NNT: variants seen among roughly 807,000 people sequenced by gnomAD.
NNT encodes the protein NAD(P) transhydrogenase, mitochondrial.
Under a neutral mutation model 104.8 loss-of-function variants are expected in NNT, and 50 were observed. That is an observed-to-expected ratio of 0.48 (90% CI 0.38 to 0.60). NNT has a LOEUF of 0.60. Among genes scored for constraint, NNT ranks in the 20% least tolerant of loss-of-function variants. The pLI is 0.00. For missense variants in NNT, 1,131 were observed against 1,330.7 expected, an observed-to-expected ratio of 0.85 and a Z score of 2.33; for synonymous variants, 461 against 490.4, an observed-to-expected ratio of 0.94 and a Z score of 0.79.
intron 3 of NNT, among the ~76,000 whole-genome samples, chr5:43,614,919 T>C (rs1029764904): frequency 6.6e-5 from 10 of 151,488 alleles, no homozygotes; most frequent in African/African-American, 2.2e-4. Flanking sequence ...GGGTGGATCA[T>C]GAGGTCAGGA....
rs2112275767 is a variant in NNT, at chr5:43,705,256, G to A, written c.*852G>A. The A allele has an allele frequency of 6.6e-6, 1 of 152,180 alleles. No homozygotes were observed. The highest frequency in any genetic ancestry group is 1.9e-4 in the East Asian group (1 of 5,186). 9.4% of individuals were successfully genotyped at this position (152,180 alleles called of 1,614,324 possible). A position where few individuals can be genotyped will look rare whatever the true frequency, so the allele number is the denominator to read the frequency against. On this transcript the variant is annotated 3_prime_UTR_variant, in exon 22 of 22. Coordinates refer to ENST00000344920, the MANE Select transcript of NNT (RefSeq NM_182977.3). ...GCAAGTGATGTGGCAATTATCTCTG[G>A]TGACAAAAGAGTAAAATCAAATATT...
intron 12 of NNT, 82 bp downstream of exon 12, chr5:43,650,669 A>G: frequency 9.7e-7 from 1 of 1,029,872 alleles, no homozygotes. Context: ...AATAGACATA[A>G]TTGTGCCTTC....
intron 16 of NNT, among the ~76,000 whole-genome samples, chr5:43,657,351 T>C (rs1326558799): frequency 6.6e-6 from 1 of 152,240 alleles, no homozygotes; most frequent in East Asian, 1.9e-4. Context: ...GCAATTTTTA[T>C]ATTTAGTGTA....
At chr5:43,658,368 G>C (rs1265747971) in intron 16 of NNT, among the ~76,000 whole-genome samples, 2 of 152,098 alleles carry the variant, frequency 1.3e-5, no homozygotes, top group Admixed American at 1.3e-4. Context: ...AAAGCAAAAA[G>C]CTTTTTCCTT....
chr5:43,645,705 A>ATTT (rs1463913564), intron 10 of NNT, 195 bp downstream of exon 10: 9 of 96,928 alleles, frequency 9.3e-5, no homozygotes, highest in African/African-American at 2.7e-4. Flanking sequence ...ATATATATAT[A>ATTT]TATATTTTTT....
rs773313629 is a variant in NNT at position 43,655,918 on chromosome 5, C to G, written c.2138C>G (p.Ala713Gly). ...VAAFHSLVGLAAVLTCIAEYI... is the reference protein window; with the variant it reads ...VAAFHSLVGLGAVLTCIAEYI... The stretch of plus-strand genomic sequence containing the variant: ...GCTTTTCACAGTTTAGTGGGTTTGG[C>G]AGCTGTACTTACTTGCATAGCTGAG... Residue 713 changes from alanine to glycine, a missense_variant, in exon 15 of 22, where the codon GCA (alanine) becomes GGA (glycine). Physicochemically the swap from Ala to Gly is moderately conservative, Grantham distance 60 (BLOSUM62 0). Coordinates refer to ENST00000344920, the MANE Select transcript of NNT (RefSeq NM_182977.3). The G allele has an allele frequency of 1.2e-6, 2 of 1,614,062 alleles. No individual in the cohort carries two copies.
chr5:43,667,027 G>T, intron 17 of NNT: 1 of 1,596,742 alleles, frequency 6.3e-7, no homozygotes, highest in South Asian at 1.1e-5. Flanking sequence ...GATAGCCTGG[G>T]CACGTGCACT....
chr5:43,680,216 A>G (rs1232108334), intron 19 of NNT, among the ~76,000 whole-genome samples: 1 of 152,034 alleles, frequency 6.6e-6, no homozygotes, highest in Non-Finnish European at 1.5e-5. Flanking sequence ...TTCACAGGAG[A>G]AATGCAAATT....
chr5:43,690,517 A>G (rs999005385), intron 19 of NNT, among the ~76,000 whole-genome samples: 2 of 152,186 alleles, frequency 1.3e-5, no homozygotes, highest in Middle Eastern at 3.2e-3. Context: ...TTGGTGTCCA[A>G]TATTACTTTT....
intron 19 of NNT, among the ~76,000 whole-genome samples, chr5:43,684,698 A>G (rs1392226946): frequency 6.6e-6 from 1 of 152,020 alleles, no homozygotes; most frequent in Non-Finnish European, 1.5e-5. Context: ...GGAAATTTTT[A>G]TTCAGAACTG....
At chr5:43,643,618 G>A (rs761174161) in intron 7 of NNT, among the ~76,000 whole-genome samples, 1 of 152,150 alleles carries the variant, frequency 6.6e-6, no homozygotes, top group African/African-American at 2.4e-5. Context: ...TGGAGTTGTA[G>A]GATTCCACTG....
chr5:43,615,899 T>A lies in NNT; in HGVS notation c.433T>A (p.Leu145Ile), dbSNP rs1311723462. The A allele has an allele frequency of 6.2e-7, 1 of 1,614,092 alleles. No individual in the cohort carries two copies. The highest frequency in any genetic ancestry group is 8.5e-7 in the Non-Finnish European group (1 of 1,180,040). Residue 145 changes from leucine (L) to isoleucine (I), a missense_variant, in exon 4 of 22, where the codon TTA becomes ATA. Physicochemically the swap from Leu to Ile is conservative, Grantham distance 5 (BLOSUM62 2). Coordinates refer to ENST00000344920, the MANE Select transcript of NNT (RefSeq NM_182977.3). Reference protein sequence around the residue: ...PTLGVHEADLLKTSGTLISFI... With the variant: ...PTLGVHEADLIKTSGTLISFI... The stretch of plus-strand genomic sequence containing the variant: ...ATTAGGTGTTCATGAAGCTGACCTT[T>A]TAAAGACATCAGGAACGCTGATTAG...
intron 19 of NNT, among the ~76,000 whole-genome samples, chr5:43,687,225 A>T (rs957778361): frequency 1.3e-5 from 2 of 152,160 alleles, no homozygotes; most frequent in African/African-American, 4.8e-5. Context: ...AGCCTGCAAG[A>T]TCTTTCTATG....
At chr5:43,653,293 A>T (rs1739863927) in intron 14 of NNT, 80 bp downstream of exon 14, 3 of 1,323,300 alleles carry the variant, frequency 2.3e-6, no homozygotes, top group African/African-American at 1.5e-5. Context: ...TGATGAAATA[A>T]TTAAATTTTG....
chr5:43,660,525 A>G (rs1267098249), intron 17 of NNT, among the ~76,000 whole-genome samples: 1 of 152,232 alleles, frequency 6.6e-6, no homozygotes, highest in Non-Finnish European at 1.5e-5. Flanking sequence ...TAATTTAGAC[A>G]AGAAAGGGAT....
chr5:43,674,495 G>A (rs1032139924), intron 17 of NNT, among the ~76,000 whole-genome samples: 2 of 152,048 alleles, frequency 1.3e-5, no homozygotes, highest in Admixed American at 6.6e-5. Flanking sequence ...CACTTATATA[G>A]CCTTTAAGTT....
chr5:43,612,792 T>A, intron 2 of NNT, 116 bp from the exon 3 acceptor site: 1 of 665,156 alleles, frequency 1.5e-6, no homozygotes. Flanking sequence ...AGCTTGCATG[T>A]GTGGTATATT....
At position 43,706,381 on chromosome 5, in the gene NNT, T is replaced by A. The variant is rs1743094408; in HGVS notation, c.*1977T>A. On this transcript the variant is annotated 3_prime_UTR_variant, in exon 22 of 22. Transcript: ENST00000344920. ...CATACAATTGGTAGATATGACTTAT[T>A]TTATTTTTGTATTATTCACTATATC... The A allele has an allele frequency of 6.6e-6, 1 of 151,874 alleles. No individual in the cohort carries two copies. The highest frequency in any genetic ancestry group is 1.5e-5 in the Non-Finnish European group (1 of 67,928). The allele number at this position is 151,874 out of a possible 1,614,324, so 9.4% of individuals were successfully genotyped here.
At chr5:43,623,442 T>A (rs551226260) in intron 5 of NNT, among the ~76,000 whole-genome samples, 1 of 152,282 alleles carries the variant, frequency 6.6e-6, no homozygotes, top group East Asian at 1.9e-4. Flanking sequence ...CCTTCCATGA[T>A]TAGGGACATT....
Sources: gnomAD v4.1 joint callset for allele counts (sites outside exome capture counted in the v4.1 genomes callset) on GRCh38, gnomAD v4.1.1 for gene constraint, MANE v1.5 for transcripts, NCBI Gene and HGNC (gene_info 2026-07-23, HGNC 2026-07-21) for gene names.